JARID2: variants seen among roughly 807,000 people sequenced by gnomAD.
The protein encoded by JARID2 is jumonji and AT-rich interaction domain containing 2, also known as protein Jumonji.
A neutral mutation model predicts 125.6 loss-of-function variants in JARID2; 21 were observed. The observed-to-expected ratio is 0.17, with a 90% CI of 0.12 to 0.24. The LOEUF is 0.24. JARID2 is among the 10% of genes least tolerant of loss of function. The pLI is 1.00. For synonymous variants in JARID2, 736 were observed against 661.6 expected (o/e 1.11, Z -1.73); for missense variants, 1,303 against 1,639.6 (o/e 0.79, Z 3.55).
chr6:15,460,732 C>G (rs1768406670), intron 4 of JARID2, among the ~76,000 whole-genome samples: 1 of 152,104 alleles, frequency 6.6e-6, no homozygotes, highest in Non-Finnish European at 1.5e-5. Context: ...ACGAAGTCTC[C>G]CACCCTGTGT....
intron 6 of JARID2, among the ~76,000 whole-genome samples, chr6:15,488,155 C>G (rs577412511): frequency 6.6e-6 from 1 of 152,214 alleles, no homozygotes; most frequent in Non-Finnish European, 1.5e-5. Context: ...GCTGTCCCCC[C>G]ACCCGCTATC....
intron 9 of JARID2, among the ~76,000 whole-genome samples, chr6:15,506,188 T>G (rs1770997345): frequency 6.6e-6 from 1 of 152,232 alleles, no homozygotes; most frequent in East Asian, 1.9e-4. Context: ...GGACAGCCCC[T>G]GGAGTTGGCC....
At chr6:15,413,049 C>T (rs1239014301) in intron 3 of JARID2, among the ~76,000 whole-genome samples, 12 of 78,638 alleles carry the variant, frequency 1.5e-4, no homozygotes, top group African/African-American at 4.5e-4. Flanking sequence ...GACTGAGTTT[C>T]GCCTTTGTTG....
At position 15,495,273 on chromosome 6, in the gene JARID2, A is replaced by G. The variant is rs750004675; in HGVS notation, c.907-859A>G. 7.9e-5 allele frequency among the ~76,000 whole-genome samples: 12 copies of G among 152,154 alleles called. No individual in the cohort carries two copies. In the East Asian group the frequency reaches 2.3e-3, roughly 29 times the overall value. ...TGTCCCAAGATTACCACGGCGTCCA[A>G]GCTGTAAGACTGTCTCTGTTTGCCC... On this transcript the variant is annotated intron_variant, in intron 6 of 17. Transcript: ENST00000341776.
chr6:15,254,414 G>A (rs1746865499), intron 1 of JARID2, among the ~76,000 whole-genome samples: 1 of 152,166 alleles, frequency 6.6e-6, no homozygotes, highest in Non-Finnish European at 1.5e-5. Context: ...GAAATCATAT[G>A]CCCTCAGTCC....
At chr6:15,519,874 T>TA (rs1237502374) in intron 17 of JARID2, among the ~76,000 whole-genome samples, 195 bp from the exon 18 acceptor site, 8 of 152,062 alleles carry the variant, frequency 5.3e-5, no homozygotes, top group Admixed American at 6.6e-5. Flanking sequence ...CCATGCCTGC[T>TA]ATGTGGCATC....
intron 1 of JARID2, among the ~76,000 whole-genome samples, chr6:15,252,011 G>A (rs570546447): frequency 7.6e-4 from 116 of 152,194 alleles, no homozygotes; most frequent in Non-Finnish European, 1.2e-3. Flanking sequence ...CTGCCACTGC[G>A]TTCCAGCCTG....
rs187793604 is a variant in JARID2 at position 15,373,574 on chromosome 6, T to G, written c.46-543T>G. On this transcript the variant is annotated intron_variant, in intron 1 of 17. Transcript: ENST00000341776. Reference sequence around the variant, plus strand: ...CTCTCTCCTTTTATTTGTGATTCTTTTACTTAAGTGGCCAATGCGGATCCA... The same window carrying G: ...CTCTCTCCTTTTATTTGTGATTCTTGTACTTAAGTGGCCAATGCGGATCCA... 3.3e-5 allele frequency among the ~76,000 whole-genome samples: 5 copies of G among 152,356 alleles called. No homozygotes were observed. The East Asian group carries it at 9.6e-4, about 29-fold the overall frequency.
intron 16 of JARID2, among the ~76,000 whole-genome samples, chr6:15,514,019 C>T (rs1007839649): frequency 6.6e-6 from 1 of 152,260 alleles, no homozygotes; most frequent in Non-Finnish European, 1.5e-5. Flanking sequence ...AGGCTGCATT[C>T]CTCTTGCCTT....
At chr6:15,264,092 G>A (rs1419369895) in intron 1 of JARID2, among the ~76,000 whole-genome samples, 1 of 152,178 alleles carries the variant, frequency 6.6e-6, no homozygotes, top group African/African-American at 2.4e-5. Flanking sequence ...TAGAAAAACT[G>A]TAAGGCAACA....
chr6:15,513,199 G>A, intron 15 of JARID2, 40 bp from the exon 16 acceptor site: 1 of 1,555,366 alleles, frequency 6.4e-7, no homozygotes, highest in Non-Finnish European at 8.7e-7. Flanking sequence ...AGCATGGCAG[G>A]CCGTCACTAA....
At chr6:15,423,877 T>C (rs1207555476) in intron 3 of JARID2, among the ~76,000 whole-genome samples, 1 of 152,224 alleles carries the variant, frequency 6.6e-6, no homozygotes, top group African/African-American at 2.4e-5. Context: ...ATGGTGCTGC[T>C]GTGCCTTTGC....
Position 15,388,746 on chromosome 6 carries a change from G to T in JARID2, c.181+14494G>T, listed in dbSNP as rs117885801. ...ACATCCAAGGAGAGCTGTCTCTTGTGTTTCATGGTAACTTATGCCCCGCAT... is the reference window on the plus strand; with the variant it reads ...ACATCCAAGGAGAGCTGTCTCTTGTTTTTCATGGTAACTTATGCCCCGCAT... On this transcript the variant is annotated intron_variant, in intron 2 of 17. Coordinates refer to ENST00000341776, the MANE Select transcript of JARID2 (RefSeq NM_004973.4). 7.0e-4 allele frequency among the ~76,000 whole-genome samples: 106 copies of T among 152,154 alleles called. No individual in the cohort carries two copies. The East Asian group carries it at 0.019, about 27-fold the overall frequency.
intron 4 of JARID2, among the ~76,000 whole-genome samples, chr6:15,462,244 T>A (rs998301099): frequency 1.1e-4 from 16 of 152,200 alleles, no homozygotes; most frequent in Non-Finnish European, 2.2e-4. Context: ...GGTAGGCAAA[T>A]GAATGCGAAT....
At chr6:15,462,698 T>C (rs1192465940) in intron 4 of JARID2, among the ~76,000 whole-genome samples, 1 of 152,218 alleles carries the variant, frequency 6.6e-6, no homozygotes, top group East Asian at 1.9e-4. Context: ...TGCAGCTAAA[T>C]GACAGTGCAC....
chr6:15,368,300 A>G (rs906697309), intron 1 of JARID2, among the ~76,000 whole-genome samples: 1 of 152,102 alleles, frequency 6.6e-6, no homozygotes, highest in Admixed American at 6.5e-5. Flanking sequence ...ATAAAATTGT[A>G]TCACTGGGAG....
At chr6:15,434,150 T>G (rs557015681) in intron 3 of JARID2, among the ~76,000 whole-genome samples, 1 of 148,450 alleles carries the variant, frequency 6.7e-6, no homozygotes, top group Non-Finnish European at 1.5e-5. Context: ...TTTTTTTTTT[T>G]ATTTTTATTT....
chr6:15,308,788 C>T (rs949543110), intron 1 of JARID2, among the ~76,000 whole-genome samples: 3 of 152,224 alleles, frequency 2.0e-5, no homozygotes, highest in Non-Finnish European at 2.9e-5. Context: ...TCCACCATGA[C>T]TTTTGCTTAC....
At chr6:15,302,428 GAGTA>G (rs548982297) in intron 1 of JARID2, among the ~76,000 whole-genome samples, 103 of 151,070 alleles carry the variant, frequency 6.8e-4, no homozygotes, top group African/African-American at 2.2e-3. Context: ...AAAAAAAAAA[GAGTA>G]AGGAAGAGAA....
Sources: allele counts gnomAD v4.1 joint callset (sites outside exome capture counted in the v4.1 genomes callset), GRCh38; gene constraint gnomAD v4.1.1; transcripts MANE v1.5; gene names NCBI Gene and HGNC (gene_info 2026-07-23, HGNC 2026-07-21).